The following TLL1 variants were observed in gnomAD, a reference collection of about 807,000 sequenced individuals.
The protein encoded by TLL1 is tolloid-like protein 1.
In TLL1, 49 loss-of-function variants were observed where a neutral mutation model predicts 128.2. The observed-to-expected ratio is 0.38, with a 90% CI of 0.30 to 0.48. TLL1 has a LOEUF of 0.48. Among genes scored for constraint, TLL1 ranks in the 20% least tolerant of loss-of-function variants. The pLI, the probability that TLL1 is intolerant of heterozygous loss-of-function variation, is 0.96. For synonymous variants in TLL1, 454 were observed against 418.8 expected, an observed-to-expected ratio of 1.08 and a Z score of -1.03; for missense variants, 1,123 against 1,242.0, an observed-to-expected ratio of 0.90 and a Z score of 1.44.
At chr4:165,989,588 G>T in intron 2 of TLL1, 97 bp downstream of exon 2, 1 of 847,526 alleles carries the variant, frequency 1.2e-6, no homozygotes, top group South Asian at 1.4e-5. Context: ...ATCTCCTGTT[G>T]ATCAACTCTG....
At chr4:165,878,952 G>C (rs1291291904) in intron 1 of TLL1, among the ~76,000 whole-genome samples, 1 of 50,056 alleles carries the variant, frequency 2.0e-5, no homozygotes, top group African/African-American at 5.9e-5. Context: ...TTTTTTTTCT[G>C]AGACAGGACC....
rs1405904723 is a variant in TLL1, at chr4:165,873,914, G to A, written c.10G>A (p.Gly4Arg). 2 of 1,613,812 alleles carry A rather than the reference G, an allele frequency of 1.2e-6. No individual in the cohort carries two copies. Among genetic ancestry groups the A allele is most frequent in the African/African-American group, 2.7e-5 (2 of 74,910 alleles). Residue 4 changes from glycine to arginine, a missense_variant, in exon 1 of 21, where the codon GGA becomes AGA. Coordinates refer to ENST00000061240, the MANE Select transcript of TLL1 (RefSeq NM_012464.5). MGL[G>R]TLSPRMLVWL... ...CCTCCGGGGGAGGAGGATGGGGTTGGGAACGCTTTCCCCGAGGATGCTCGT... is the reference window on the plus strand; with the variant it reads ...CCTCCGGGGGAGGAGGATGGGGTTGAGAACGCTTTCCCCGAGGATGCTCGT...
At chr4:165,906,801 G>T (rs1201788355) in intron 1 of TLL1, among the ~76,000 whole-genome samples, 4 of 147,172 alleles carry the variant, frequency 2.7e-5, no homozygotes, top group African/African-American at 5.0e-5. Flanking sequence ...GTAGACTACA[G>T]ATCCTTTTGT....
intron 1 of TLL1, among the ~76,000 whole-genome samples, chr4:165,891,180 T>C (rs1279368341): frequency 6.6e-6 from 1 of 152,138 alleles, no homozygotes; most frequent in Non-Finnish European, 1.5e-5. Flanking sequence ...AAACCATTTT[T>C]TCCTCCCAAG....
rs1161908459 is a variant in TLL1 at position 166,101,328 on chromosome 4, T to C, written c.*452T>C. The C allele has an allele frequency of 8.7e-6, 2 of 229,282 alleles. No individual in the cohort carries two copies. Among genetic ancestry groups the C allele is most frequent in the African/African-American group, 4.7e-5 (2 of 42,724 alleles). 14.2% of individuals were successfully genotyped at this position (229,282 alleles called of 1,614,324 possible). ...TGCTGACTTTGTATCTTGGATACAG[T>C]GTAAACCAGATCCATATAAGGTGAA... On this transcript the variant is annotated 3_prime_UTR_variant, in exon 21 of 21. Transcript: ENST00000061240.
chr4:166,000,719 T>G (rs1288608455), intron 5 of TLL1, among the ~76,000 whole-genome samples: 1 of 152,206 alleles, frequency 6.6e-6, no homozygotes, highest in Non-Finnish European at 1.5e-5. Context: ...TTGAAATTTT[T>G]TTTTGTTTTT....
intron 1 of TLL1, among the ~76,000 whole-genome samples, chr4:165,973,894 G>A (rs1018779168): frequency 2.0e-5 from 3 of 152,092 alleles, no homozygotes; most frequent in South Asian, 2.1e-4. Context: ...TCAAACTCCT[G>A]ATCTCAGGTG....
chr4:165,878,632 C>G (rs770596756), intron 1 of TLL1, among the ~76,000 whole-genome samples: 17 of 152,012 alleles, frequency 1.1e-4, no homozygotes, highest in Non-Finnish European at 2.1e-4. Flanking sequence ...CTCTTCTTTT[C>G]TTTTCCTTTT....
At chr4:165,878,370 T>C (rs1226859606) in intron 1 of TLL1, among the ~76,000 whole-genome samples, 1 of 152,152 alleles carries the variant, frequency 6.6e-6, no homozygotes. Context: ...TCTTGATTTT[T>C]TTTTTTCTCT....
At chr4:165,990,021 T>A (rs1579589616) in intron 2 of TLL1, among the ~76,000 whole-genome samples, 1 of 151,854 alleles carries the variant, frequency 6.6e-6, no homozygotes, top group East Asian at 1.9e-4. Context: ...AGGAATAATA[T>A]TTGGAAAATT....
chr4:166,080,136 A>G (rs1300280132), intron 18 of TLL1, among the ~76,000 whole-genome samples: 1 of 152,108 alleles, frequency 6.6e-6, no homozygotes, highest in Non-Finnish European at 1.5e-5. Context: ...AACAAGGGTT[A>G]GTGTCTGGTG....
At chr4:166,022,258 G>T (rs139514988) in intron 8 of TLL1, among the ~76,000 whole-genome samples, 3 of 151,420 alleles carry the variant, frequency 2.0e-5, no homozygotes, top group African/African-American at 4.9e-5. Flanking sequence ...TCTGCCTCCC[G>T]GGTTCAAGCG....
chr4:165,884,920 C>T (rs558742356), intron 1 of TLL1, among the ~76,000 whole-genome samples: 3 of 152,208 alleles, frequency 2.0e-5, no homozygotes, highest in Admixed American at 2.0e-4. Flanking sequence ...TGGTAGAGCA[C>T]AATTCTGTTC....
chr4:165,997,922 TA>T (rs766697970), intron 5 of TLL1, among the ~76,000 whole-genome samples: 71 of 152,296 alleles, frequency 4.7e-4, no homozygotes, highest in Non-Finnish European at 4.9e-4. Flanking sequence ...CTTATATTGG[TA>T]AAAGGTTTGA....
In TLL1 at chr4:166,040,723, A is replaced by G. The variant is rs186857131; in HGVS notation, c.1261+1282A>G. Among the ~76,000 whole-genome samples the G allele has an allele frequency of 2.9e-3, 436 of 152,356 alleles. 2 individuals carry two copies. Among genetic ancestry groups the G allele is most frequent in the Non-Finnish European group, 3.0e-3 (205 of 68,028 alleles). ...GGGTTTGCATTTTAATAGATTTCCTAGAAATTCAGATGCACACTACAGTTT... is the reference window on the plus strand; with the variant it reads ...GGGTTTGCATTTTAATAGATTTCCTGGAAATTCAGATGCACACTACAGTTT... On this transcript the variant is annotated intron_variant, in intron 10 of 20. Transcript: ENST00000061240.
chr4:165,930,260 T>C (rs1347512931), intron 1 of TLL1, among the ~76,000 whole-genome samples: 1 of 152,126 alleles, frequency 6.6e-6, no homozygotes, highest in African/African-American at 2.4e-5. Context: ...CAGACACCAC[T>C]TTTTCCTCTG....
At chr4:165,890,584 T>C (rs867146810) in intron 1 of TLL1, among the ~76,000 whole-genome samples, 1 of 152,226 alleles carries the variant, frequency 6.6e-6, no homozygotes, top group African/African-American at 2.4e-5. Context: ...TCAAATCTTA[T>C]AGCTCTGAAA....
intron 18 of TLL1, among the ~76,000 whole-genome samples, chr4:166,080,688 T>C (rs1741247390): frequency 6.6e-6 from 1 of 152,176 alleles, no homozygotes; most frequent in Non-Finnish European, 1.5e-5. Flanking sequence ...AGTGTATTTA[T>C]GTGTATGAAG....
chr4:166,024,238 T>C (rs1738386390), intron 8 of TLL1, among the ~76,000 whole-genome samples: 1 of 152,210 alleles, frequency 6.6e-6, no homozygotes, highest in Non-Finnish European at 1.5e-5. Flanking sequence ...TTATATCATA[T>C]CTATTTTTAG....
Sources: gnomAD v4.1 joint callset for allele counts (sites outside exome capture counted in the v4.1 genomes callset) on GRCh38, gnomAD v4.1.1 for gene constraint, MANE v1.5 for transcripts, NCBI Gene and HGNC (gene_info 2026-07-23, HGNC 2026-07-21) for gene names.